The following PNPLA5 variants were observed in gnomAD, a reference collection of about 807,000 sequenced individuals.
PNPLA5 encodes the protein patatin-like phospholipase domain-containing protein 5.
A neutral mutation model predicts 49.1 loss-of-function variants in PNPLA5; 44 were observed. The ratio of observed to expected loss-of-function variants is 0.90; its 90% CI spans 0.70 to 1.15. PNPLA5 has a LOEUF of 1.15. Ranked by LOEUF, PNPLA5 falls within the 50% of genes most tolerant of loss-of-function variation. PNPLA5 has a pLI of 0.00. For synonymous variants in PNPLA5, 243 were observed against 244.4 expected (o/e 0.99, Z 0.06); for missense variants, 603 against 564.0 (o/e 1.07, Z -0.70).
At chr22:43,891,464 G>C in intron 1 of PNPLA5, 170 bp from the exon 2 acceptor site, 1 of 955,444 alleles carries the variant, frequency 1.0e-6, no homozygotes, top group Non-Finnish European at 1.2e-6. Flanking sequence ...TTCACTTTTT[G>C]CCCCGCCGAC....
At chr22:43,884,142 G>A (rs1055593144) in intron 7 of PNPLA5, 71 bp downstream of exon 7, 66 of 691,978 alleles carry the variant, frequency 9.5e-5, no homozygotes, top group South Asian at 2.6e-4. Context: ...TGTGCCAGCC[G>A]CCCCTCCTGC....
chr22:43,887,735 C>T (rs947568804), intron 4 of PNPLA5, 84 bp from the exon 5 acceptor site: 192 of 1,548,492 alleles, frequency 1.2e-4, no homozygotes, highest in Non-Finnish European at 1.6e-4. Flanking sequence ...GACTTATCTT[C>T]AACTGGAAAT....
At chr22:43,887,768 C>T in intron 4 of PNPLA5, 117 bp from the exon 5 acceptor site, 1 of 1,526,376 alleles carries the variant, frequency 6.6e-7, no homozygotes, top group South Asian at 1.2e-5. Flanking sequence ...GCCTATTCTC[C>T]CCAAGTGACC....
chr22:43,884,471 G>A (rs2148326713), intron 6 of PNPLA5, 126 bp from the exon 7 acceptor site: 1 of 1,313,364 alleles, frequency 7.6e-7, no homozygotes, highest in Non-Finnish European at 9.8e-7. Flanking sequence ...AAGCAACACT[G>A]AGCAAGCCCC....
intron 6 of PNPLA5, among the ~76,000 whole-genome samples, chr22:43,884,997 C>G (rs2049647904): frequency 6.6e-6 from 1 of 152,256 alleles, no homozygotes; most frequent in Non-Finnish European, 1.5e-5. Flanking sequence ...TCCACATCCA[C>G]CTGCCGAGTG....
At chr22:43,885,024 A>G (rs1012505159) in intron 6 of PNPLA5, among the ~76,000 whole-genome samples, 2 of 152,192 alleles carry the variant, frequency 1.3e-5, no homozygotes, top group Non-Finnish European at 2.9e-5. Flanking sequence ...GACGAGTCCT[A>G]GCTTCCTTCT....
rs367875090 is a variant in PNPLA5, at chr22:43,889,277, G to A, written c.702+52C>T. Reference sequence around the variant, plus strand: ...TAGGAGCACACAGAGTCTGACTCACGGGGCCCTTGACCTTGGCCAAGCCTC... The same window carrying A: ...TAGGAGCACACAGAGTCTGACTCACAGGGCCCTTGACCTTGGCCAAGCCTC... On this transcript the variant is annotated intron_variant, in intron 4 of 8. Transcript: ENST00000216177. 682 of 1,595,166 alleles carry A rather than the reference G, an allele frequency of 4.3e-4. No homozygotes were observed. The Middle Eastern group carries it at 7.6e-3, about 18-fold the overall frequency.
chr22:43,881,110 A>C, intron 8 of PNPLA5: 3 of 570,440 alleles, frequency 5.3e-6, no homozygotes, highest in Non-Finnish European at 6.7e-6. Flanking sequence ...TAAACAGATA[A>C]CTGTCGAGTG....
At chr22:43,891,004 CT>C in intron 2 of PNPLA5, 57 bp downstream of exon 2, 1 of 1,565,036 alleles carries the variant, frequency 6.4e-7, no homozygotes, top group Non-Finnish European at 8.7e-7. Context: ...CTGGATGTCA[CT>C]CTGGACTAGA....
At chr22:43,881,168 G>A (rs2049606283) in intron 8 of PNPLA5, among the ~76,000 whole-genome samples, 2 of 152,214 alleles carry the variant, frequency 1.3e-5, no homozygotes, top group South Asian at 4.1e-4. Flanking sequence ...GGGCTGGTCA[G>A]AGAAGAGGGA....
intron 4 of PNPLA5, among the ~76,000 whole-genome samples, chr22:43,888,801 G>C (rs5764382): frequency 0.48 from 72,758 of 151,952 alleles, 18,284 homozygotes; most frequent in East Asian, 0.93. Context: ...GTAAAAAAAC[G>C]CTTCCTTCAT....
chr22:43,889,115 GTCC>G (rs2049695773), intron 4 of PNPLA5, among the ~76,000 whole-genome samples: 1 of 152,234 alleles, frequency 6.6e-6, no homozygotes, highest in Admixed American at 6.5e-5. Flanking sequence ...CATGGGGCCA[GTCC>G]TCATTCATCA....
chr22:43,885,285 A>G (rs1244317661), intron 6 of PNPLA5, among the ~76,000 whole-genome samples: 4 of 152,056 alleles, frequency 2.6e-5, no homozygotes, highest in Non-Finnish European at 2.9e-5. Context: ...GGTCTCCGGC[A>G]TGGAAAGGGG....
At chr22:43,883,262 A>G (rs1337986973) in intron 7 of PNPLA5, among the ~76,000 whole-genome samples, 2 of 151,850 alleles carry the variant, frequency 1.3e-5, no homozygotes, top group African/African-American at 2.4e-5. Flanking sequence ...GACCTCTCCC[A>G]GGGAACCTCT....
chr22:43,891,435 C>T, intron 1 of PNPLA5, 141 bp from the exon 2 acceptor site: 3 of 1,404,902 alleles, frequency 2.1e-6, no homozygotes, highest in South Asian at 1.5e-5. Context: ...GCCCCGGATT[C>T]AAATGATCCG....
chr22:43,881,426 G>C (rs2049609211), intron 8 of PNPLA5, 132 bp downstream of exon 8: 2 of 920,636 alleles, frequency 2.2e-6, no homozygotes, highest in African/African-American at 3.3e-5. Context: ...GCATGAGTAG[G>C]CCAGAGGGAC....
chr22:43,891,757 C>A lies in PNPLA5; in HGVS notation c.124G>T (p.Ala42Ser), dbSNP rs1293399631. Reference sequence around the variant, plus strand: ...GACGAGGAACCGTAGATGCGGCGGGCGCCCTGGAGGAGGCGCGGGGCTCGC... The same window carrying A: ...GACGAGGAACCGTAGATGCGGCGGGAGCCCTGGAGGAGGCGCGGGGCTCGC... ...RQRAPRLLQG[A>S]RRIYGSSSGA... is the part of the protein sequence containing the mutation. The change falls in exon 1 of 9, where the codon GCC (alanine) becomes TCC (serine). Residue 42 changes from alanine to serine, a missense_variant. Transcript: ENST00000216177. 2 of 1,539,466 alleles carry A rather than the reference C, an allele frequency of 1.3e-6. No individual in the cohort carries two copies. The highest frequency in any genetic ancestry group is 1.4e-5 in the African/African-American group (1 of 72,102).
chr22:43,891,450 C>T (rs1328853752), intron 1 of PNPLA5, 156 bp from the exon 2 acceptor site: 8 of 971,488 alleles, frequency 8.2e-6, no homozygotes, highest in Non-Finnish European at 2.4e-6. Flanking sequence ...GATCCGTTCA[C>T]CTTTTCACTT....
chr22:43,881,004 T>C, intron 8 of PNPLA5, 119 bp from the exon 9 acceptor site: 2 of 1,240,052 alleles, frequency 1.6e-6, no homozygotes, highest in Non-Finnish European at 2.0e-6. Context: ...AATCCTGCTC[T>C]GAGGGAGGAC....
Sources: allele counts gnomAD v4.1 joint callset (sites outside exome capture counted in the v4.1 genomes callset), GRCh38; gene constraint gnomAD v4.1.1; transcripts MANE v1.5; gene names NCBI Gene and HGNC (gene_info 2026-07-23, HGNC 2026-07-21).